Variants in MMD2 observed in about 807,000 individuals in gnomAD.
The protein encoded by MMD2 is monocyte to macrophage differentiation associated 2, also known as monocyte to macrophage differentiation factor 2.
Under a neutral mutation model 33.5 loss-of-function variants are expected in MMD2, and 30 were observed. That is an observed-to-expected ratio of 0.90 (90% CI 0.67 to 1.22). The LOEUF (loss-of-function observed/expected upper bound fraction) is 1.22, where lower values mean the gene tolerates loss of function less well. Ranked by LOEUF, MMD2 falls within the 50% of genes most tolerant of loss-of-function variation. The pLI is 0.00. For synonymous variants in MMD2, 129 were observed against 123.0 expected (o/e 1.05, Z -0.32); for missense variants, 364 against 325.4 (o/e 1.12, Z -0.91).
intron 4 of MMD2, among the ~76,000 whole-genome samples, chr7:4,915,063 A>C (rs11771164): frequency 0.16 from 23,999 of 152,160 alleles, 2,062 homozygotes; most frequent in East Asian, 0.28. Flanking sequence ...GCTTGAGGCC[A>C]GGAGTTCAAG....
intron 3 of MMD2, among the ~76,000 whole-genome samples, chr7:4,917,548 C>A (rs1234050199): frequency 6.6e-6 from 1 of 151,732 alleles, no homozygotes; most frequent in African/African-American, 2.4e-5. Context: ...AAAAATTAGC[C>A]GGGCGTGGTG....
intron 1 of MMD2, among the ~76,000 whole-genome samples, chr7:4,948,894 C>G (rs1381822748): frequency 1.3e-5 from 2 of 152,164 alleles, no homozygotes; most frequent in Non-Finnish European, 2.9e-5. Flanking sequence ...CTCACACAGC[C>G]TCCATCTCCC....
chr7:4,956,283 A>G (rs980894659), intron 1 of MMD2, among the ~76,000 whole-genome samples: 2 of 151,742 alleles, frequency 1.3e-5, no homozygotes, highest in African/African-American at 4.8e-5. Context: ...TTAATTAGCC[A>G]GGCATGGTGG....
At chr7:4,897,881 G>T in the MMD2 span, among the ~76,000 whole-genome samples, 1 of 152,038 alleles carries the variant, frequency 6.6e-6, no homozygotes. Flanking sequence ...GGGATTACAG[G>T]TGCCCACCAC....
intron 6 of MMD2, among the ~76,000 whole-genome samples, chr7:4,908,664 T>C (rs1056679875): frequency 6.6e-6 from 1 of 151,228 alleles, no homozygotes; most frequent in Admixed American, 6.6e-5. Context: ...CTTTGGAGGC[T>C]AAGGAGGGCG....
In MMD2 at chr7:4,907,326, C is replaced by G; in HGVS notation, c.*70G>C. 3 of 1,494,208 alleles carry G rather than the reference C, an allele frequency of 2.0e-6. No individual in the cohort carries two copies. The highest frequency in any genetic ancestry group is 1.9e-6 in the Non-Finnish European group (2 of 1,075,062). The allele number at this position is 1,494,208 out of a possible 1,614,324, so 92.6% of individuals were successfully genotyped here. A position where few individuals can be genotyped will look rare whatever the true frequency, so the allele number is the denominator to read the frequency against. ...AGGGAAGACAGGCCTTGGCGCTGTGCTCTGGGTTAACGTTCACAGAAACGT... is the reference window on the plus strand; with the variant it reads ...AGGGAAGACAGGCCTTGGCGCTGTGGTCTGGGTTAACGTTCACAGAAACGT... On this transcript the variant is annotated 3_prime_UTR_variant, in exon 7 of 7. Transcript: ENST00000401401.
intron 3 of MMD2, among the ~76,000 whole-genome samples, chr7:4,919,801 C>T (rs747996442): frequency 2.6e-5 from 4 of 151,754 alleles, no homozygotes; most frequent in Non-Finnish European, 4.4e-5. Context: ...GAGGCTGAGG[C>T]GGGAGAATTG....
Position 4,907,382 on chromosome 7 carries a change from A to G in MMD2, c.*14T>C, listed in dbSNP as rs57507079. ...ACTCCTAAAGCCCAAACGACCTCTCAAGTCTGGGTCACCTCATTTGGACAC... is the reference window on the plus strand; with the variant it reads ...ACTCCTAAAGCCCAAACGACCTCTCGAGTCTGGGTCACCTCATTTGGACAC... On this transcript the variant is annotated 3_prime_UTR_variant, in exon 7 of 7. Transcript: ENST00000401401. 89,136 of 1,613,004 alleles carry G rather than the reference A, an allele frequency of 0.055. 3,523 individuals are homozygous for G. Among genetic ancestry groups the G allele is most frequent in the East Asian group, 0.22 (10,081 of 44,844 alleles).
intron 1 of MMD2, among the ~76,000 whole-genome samples, chr7:4,954,253 C>T (rs1391037005): frequency 6.6e-6 from 1 of 152,038 alleles, no homozygotes; most frequent in African/African-American, 2.4e-5. Flanking sequence ...AATCCCTGTC[C>T]GTGTCTTTTA....
At chr7:4,928,726 C>G (rs925221522) in intron 1 of MMD2, among the ~76,000 whole-genome samples, 2 of 149,446 alleles carry the variant, frequency 1.3e-5, no homozygotes, top group African/African-American at 5.0e-5. Context: ...TAAGCACCCT[C>G]TGTGTGCTGG....
chr7:4,898,959 T>TAGGAAGGAAGGAAGCTAGGA, the MMD2 span, among the ~76,000 whole-genome samples: 589 of 149,744 alleles, frequency 3.9e-3, 4 homozygotes, highest in African/African-American at 6.9e-3. Context: ...GCAAGCAAGC[T>TAGGAAGGAAGGAAGCTAGGA]AGGAAGGAAG....
chr7:4,956,541 G>A (rs181682218), intron 1 of MMD2, among the ~76,000 whole-genome samples: 5 of 152,156 alleles, frequency 3.3e-5, no homozygotes, highest in African/African-American at 7.2e-5. Context: ...TAATCCATGC[G>A]ATCCATTTCC....
At chr7:4,914,426 T>A (rs1219024314) in intron 4 of MMD2, among the ~76,000 whole-genome samples, 1 of 152,248 alleles carries the variant, frequency 6.6e-6, no homozygotes, top group Middle Eastern at 3.2e-3. Flanking sequence ...CATCAGCTTC[T>A]CTCTGATTGC....
At chr7:4,915,874 G>C (rs1785128765) in intron 4 of MMD2, 131 bp downstream of exon 4, 5 of 813,856 alleles carry the variant, frequency 6.1e-6, no homozygotes, top group Middle Eastern at 2.4e-4. Context: ...AAGGAAAAAA[G>C]GGTGGCGGGA....
At chr7:4,895,658 T>A in the MMD2 span, among the ~76,000 whole-genome samples, 1 of 152,232 alleles carries the variant, frequency 6.6e-6, no homozygotes, top group South Asian at 2.1e-4. Flanking sequence ...TGACTCAGCC[T>A]CCGGAGTAGC....
intron 1 of MMD2, among the ~76,000 whole-genome samples, chr7:4,939,034 C>T (rs1785829379): frequency 6.6e-6 from 1 of 151,788 alleles, no homozygotes; most frequent in East Asian, 1.9e-4. Context: ...ATGGTGAAAC[C>T]CCATCTCTAC....
the MMD2 span, among the ~76,000 whole-genome samples, chr7:4,892,245 G>A: frequency 6.6e-6 from 1 of 152,128 alleles, no homozygotes. Flanking sequence ...TCACGCCATA[G>A]ACGATAAATA....
chr7:4,953,632 G>A (rs930169693), intron 1 of MMD2, among the ~76,000 whole-genome samples: 77 of 150,948 alleles, frequency 5.1e-4, no homozygotes, highest in African/African-American at 1.6e-3. Flanking sequence ...CACCACACCC[G>A]GCTAATTTTT....
the MMD2 span, among the ~76,000 whole-genome samples, chr7:4,900,030 T>A: frequency 6.6e-6 from 1 of 152,096 alleles, no homozygotes; most frequent in African/African-American, 2.4e-5. Context: ...GGTGTCCTCA[T>A]ATGGCTCATG....
Sources: allele counts gnomAD v4.1 joint callset (sites outside exome capture counted in the v4.1 genomes callset), GRCh38; gene constraint gnomAD v4.1.1; transcripts MANE v1.5; gene names NCBI Gene and HGNC (gene_info 2026-07-23, HGNC 2026-07-21).